The following CCDC32 variants were observed in gnomAD, a reference collection of about 807,000 sequenced individuals.
CCDC32 encodes coiled-coil domain containing 32, also known as coiled-coil domain-containing protein 32.
Under a neutral mutation model 20.1 loss-of-function variants are expected in CCDC32, and 9 were observed. That is an observed-to-expected ratio of 0.45 (90% CI 0.27 to 0.78). The LOEUF (loss-of-function observed/expected upper bound fraction) is 0.78, where lower values mean the gene tolerates loss of function less well. Among genes scored for constraint, CCDC32 ranks in the 30% least tolerant of loss-of-function variants. CCDC32 has a pLI of 0.16. For synonymous variants in CCDC32, 63 were observed against 79.0 expected (o/e 0.80, Z 1.07); for missense variants, 204 against 215.5 (o/e 0.95, Z 0.33).
intron 3 of CCDC32, among the ~76,000 whole-genome samples, chr15:40,541,955 AAAG>A (rs1191536969): frequency 1.3e-5 from 2 of 152,098 alleles, no homozygotes; most frequent in Admixed American, 6.5e-5. Context: ...TAGGGAGGAG[AAAG>A]AAGAACTCAC....
intron 1 of CCDC32, chr15:40,564,761 C>G: frequency 6.2e-7 from 1 of 1,614,220 alleles, no homozygotes; most frequent in South Asian, 1.1e-5. Flanking sequence ...CAAAACTTTG[C>G]TCACACCAGA....
chr15:40,556,520 T>C (rs1890247007), intron 3 of CCDC32: 1 of 152,220 alleles, frequency 6.6e-6, no homozygotes, highest in Non-Finnish European at 1.5e-5. Context: ...GTAAATTCAT[T>C]GAGTGGCTAC....
At chr15:40,558,048 A>G (rs1890368751) in intron 2 of CCDC32, 1 of 152,228 alleles carries the variant, frequency 6.6e-6, no homozygotes, top group Non-Finnish European at 1.5e-5. Context: ...CTTCTTGATG[A>G]TAGAGGTTAA....
chr15:40,539,839 G>GCC (rs1566979559), intron 3 of CCDC32, among the ~76,000 whole-genome samples: 3 of 38,046 alleles, frequency 7.9e-5, no homozygotes, highest in Non-Finnish European at 1.1e-4. Context: ...TCAAACTGTT[G>GCC]CCACACACAC....
At chr15:40,530,534 T>TCTCC (rs140063030), downstream of CCDC32, among the ~76,000 whole-genome samples, 1 of 148,692 alleles carries the variant, frequency 6.7e-6, no homozygotes, top group Non-Finnish European at 1.5e-5. Flanking sequence ...GCACCTCCTC[T>TCTCC]CTCTCTCTCT....
chr15:40,528,743 T>C (rs1027801436), exon 4 of CCDC32: 1 of 701,404 alleles, frequency 1.4e-6, no homozygotes, highest in African/African-American at 1.8e-5. Context: ...TCCGTCCTCC[T>C]AGCTGGCCTG....
downstream of CCDC32, among the ~76,000 whole-genome samples, chr15:40,551,708 C>A (rs1180856481): frequency 1.3e-5 from 2 of 149,148 alleles, no homozygotes; most frequent in African/African-American, 5.0e-5. Flanking sequence ...TACTCGGGAG[C>A]CTGAGGCAGG....
downstream of CCDC32, among the ~76,000 whole-genome samples, chr15:40,532,710 CTTTCTTTTTTT>C (rs1888928446): frequency 1.0e-5 from 1 of 96,632 alleles, no homozygotes; most frequent in Non-Finnish European, 2.2e-5. Flanking sequence ...AATTTGTTTT[CTTTCTTTTTTT>C]TTTTTTTTTT....
downstream of CCDC32, chr15:40,535,643 G>A: frequency 1.0e-6 from 1 of 985,074 alleles, no homozygotes; most frequent in Non-Finnish European, 1.2e-6. Flanking sequence ...AGTGCATGCT[G>A]AACAACACAC....
downstream of CCDC32, among the ~76,000 whole-genome samples, chr15:40,524,194 G>C (rs546884821): frequency 8.9e-6 from 1 of 112,906 alleles, no homozygotes; most frequent in African/African-American, 3.5e-5. Flanking sequence ...GTCTGGCTCT[G>C]TCGCCCAGGC....
At chr15:40,555,748 T>A (rs1405909525) in intron 3 of CCDC32, among the ~76,000 whole-genome samples, 4 of 152,224 alleles carry the variant, frequency 2.6e-5, no homozygotes, top group Non-Finnish European at 5.9e-5. Flanking sequence ...ATTCACATAC[T>A]GTCCTGATTT....
At chr15:40,534,357 A>G (rs1227156846), downstream of CCDC32, 1 of 155,078 alleles carries the variant, frequency 6.4e-6, no homozygotes, top group Non-Finnish European at 1.4e-5. Flanking sequence ...TACAGGAAAG[A>G]GGTTTAATTG....
At chr15:40,550,906 G>A (rs577625193), downstream of CCDC32, among the ~76,000 whole-genome samples, 4 of 152,296 alleles carry the variant, frequency 2.6e-5, no homozygotes, top group South Asian at 8.3e-4. Context: ...AATCTTGCCT[G>A]AATGACAGAA....
chr15:40,561,916 T>G (rs1174470026), intron 2 of CCDC32: 6 of 109,500 alleles, frequency 5.5e-5, no homozygotes, highest in Non-Finnish European at 1.1e-4. Flanking sequence ...TGAATCTCTT[T>G]CCTGTGTTTG....
chr15:40,555,014 A>G (rs1001504486), intron 3 of CCDC32, among the ~76,000 whole-genome samples: 6 of 152,344 alleles, frequency 3.9e-5, no homozygotes, highest in East Asian at 1.9e-4. Context: ...GCATACCACA[A>G]GGAGGATCAC....
the CCDC32 span, among the ~76,000 whole-genome samples, chr15:40,522,600 C>A: frequency 6.6e-6 from 1 of 152,200 alleles, no homozygotes; most frequent in East Asian, 1.9e-4. Context: ...CATAGAACGT[C>A]TTTCCTTTAA....
At chr15:40,551,907 C>CTT (rs1307667045), downstream of CCDC32, among the ~76,000 whole-genome samples, 2 of 151,058 alleles carry the variant, frequency 1.3e-5, no homozygotes, top group Non-Finnish European at 2.9e-5. Flanking sequence ...AATCCCAGCA[C>CTT]TTTGAGAGGC....
downstream of CCDC32, among the ~76,000 whole-genome samples, chr15:40,525,193 A>G (rs959965758): frequency 3.3e-5 from 5 of 151,734 alleles, no homozygotes; most frequent in Non-Finnish European, 7.4e-5. Context: ...GTGCTTGGCT[A>G]ATTTTGTTGT....
chr15:40,557,720 C>A, intron 2 of CCDC32: 1 of 163,984 alleles, frequency 6.1e-6, no homozygotes. Context: ...CATGTGTATA[C>A]TACTGTCTTT....
Sources: gnomAD v4.1 joint callset for allele counts (sites outside exome capture counted in the v4.1 genomes callset) on GRCh38, gnomAD v4.1.1 for gene constraint, MANE v1.5 for transcripts, NCBI Gene and HGNC (gene_info 2026-07-23, HGNC 2026-07-21) for gene names.